Variants in PDE4D observed in about 807,000 individuals in gnomAD.
PDE4D encodes phosphodiesterase 4D.
Under a neutral mutation model 87.4 loss-of-function variants are expected in PDE4D, and 24 were observed. The ratio of observed to expected loss-of-function variants is 0.27; its 90% CI spans 0.20 to 0.39. The LOEUF (loss-of-function observed/expected upper bound fraction) is 0.39, where lower values mean the gene tolerates loss of function less well. PDE4D is among the 10% of genes least tolerant of loss of function. The pLI, the probability that PDE4D is intolerant of heterozygous loss-of-function variation, is 1.00. For synonymous variants in PDE4D, 384 were observed against 383.2 expected (o/e 1.00, Z -0.02); for missense variants, 714 against 1,041.0 (o/e 0.69, Z 4.32).
At chr5:59,344,926 T>C (rs557793789) in intron 1 of PDE4D, among the ~76,000 whole-genome samples, 2 of 152,278 alleles carry the variant, frequency 1.3e-5, no homozygotes, top group East Asian at 3.9e-4. Context: ...CATCTAATAA[T>C]TAATGATCAC....
chr5:60,134,432 G>T (rs1464275606), intron 2 of PDE4D, among the ~76,000 whole-genome samples: 1 of 152,168 alleles, frequency 6.6e-6, no homozygotes, highest in Admixed American at 6.5e-5. Flanking sequence ...TTGAGACTGC[G>T]AGTTTAAGGC....
intron 1 of PDE4D, among the ~76,000 whole-genome samples, chr5:59,626,962 T>C (rs1050464011): frequency 3.3e-5 from 5 of 152,222 alleles, no homozygotes; most frequent in Non-Finnish European, 7.3e-5. Flanking sequence ...CCTCCAATTA[T>C]AATGCTTCTG....
chr5:60,353,756 G>A lies in PDE4D; in HGVS notation c.-90+134186C>T, dbSNP rs186534514. On this transcript the variant is annotated intron_variant, in intron 1 of 16. Coordinates refer to the PDE4D transcript ENST00000502484. ...TCACAGAATAGTTTACTTTTAATGT[G>A]TCATATTAATATATTAATAAGTATG... Among the ~76,000 whole-genome samples the A allele has an allele frequency of 4.3e-3, 659 of 152,248 alleles. 4 individuals are homozygous for A. Among genetic ancestry groups the A allele is most frequent in the African/African-American group, 0.015 (644 of 41,558 alleles).
At chr5:59,574,057 TAAAA>T (rs1245624819) in intron 1 of PDE4D, among the ~76,000 whole-genome samples, 25 of 63,294 alleles carry the variant, frequency 3.9e-4, no homozygotes, top group East Asian at 1.4e-3. Context: ...TATTTATATA[TAAAA>T]ATATATATAT....
At chr5:59,359,664 A>C (rs1169208906) in intron 1 of PDE4D, among the ~76,000 whole-genome samples, 2 of 152,348 alleles carry the variant, frequency 1.3e-5, no homozygotes, top group African/African-American at 2.4e-5. Flanking sequence ...TTTATAATAC[A>C]ACAAGCTGTT....
chr5:59,687,863 G>C (rs6885868), intron 1 of PDE4D, among the ~76,000 whole-genome samples: 12,976 of 152,098 alleles, frequency 0.085, 1,725 homozygotes, highest in African/African-American at 0.29. Context: ...AAAATAAAGG[G>C]AGGAAGGAAG....
intron 1 of PDE4D, among the ~76,000 whole-genome samples, chr5:59,793,049 C>G (rs958779013): frequency 6.6e-6 from 1 of 152,142 alleles, no homozygotes. Flanking sequence ...GCAAGACAGT[C>G]AAATGGAATG....
chr5:60,053,995 A>T (rs1770499217), intron 2 of PDE4D, among the ~76,000 whole-genome samples: 1 of 152,260 alleles, frequency 6.6e-6, no homozygotes, highest in South Asian at 2.1e-4. Context: ...ATACCATCTC[A>T]TGCCAGTTAG....
chr5:59,369,145 C>T (rs1176881712), intron 1 of PDE4D, among the ~76,000 whole-genome samples: 1 of 152,152 alleles, frequency 6.6e-6, no homozygotes, highest in Non-Finnish European at 1.5e-5. Context: ...GTGGCCTTTG[C>T]TGAAAGTTCA....
At chr5:59,387,601 G>C (rs980899651) in intron 1 of PDE4D, among the ~76,000 whole-genome samples, 1 of 151,890 alleles carries the variant, frequency 6.6e-6, no homozygotes, top group Non-Finnish European at 1.5e-5. Flanking sequence ...TATAAACCTC[G>C]TACTGTCATG....
chr5:60,190,315 T>C (rs1785100840), intron 1 of PDE4D, among the ~76,000 whole-genome samples: 1 of 152,228 alleles, frequency 6.6e-6, no homozygotes, highest in Admixed American at 6.5e-5. Context: ...AGATAGATAA[T>C]GTGAACATCT....
rs565992485 is a variant in PDE4D, at chr5:59,302,383, AT to A, written c.456-86416del. 2.9e-3 allele frequency among the ~76,000 whole-genome samples: 439 copies of A among 151,658 alleles called. 1 individual carries two copies. Among genetic ancestry groups the A allele is most frequent in the Non-Finnish European group, 4.7e-3 (320 of 67,966 alleles). ...ACTTAAATCTATTACTTTTTATAAA[AT>A]TTTTTTCCATAAGTTATTAGGGTAC... is the stretch of plus-strand genomic sequence containing the variant. On this transcript the variant is annotated intron_variant, in intron 1 of 14. Coordinates refer to ENST00000340635, the MANE Select transcript of PDE4D (RefSeq NM_001104631.2).
intron 1 of PDE4D, among the ~76,000 whole-genome samples, chr5:59,609,790 G>A (rs113024480): frequency 2.0e-3 from 307 of 152,252 alleles, no homozygotes; most frequent in African/African-American, 6.8e-3. Context: ...TGAATAACCC[G>A]AACCTCAGCC....
At chr5:59,520,592 AGAACTAAGAGAAGTATAAGAG>A (rs1812023693) in intron 1 of PDE4D, among the ~76,000 whole-genome samples, 2 of 152,186 alleles carry the variant, frequency 1.3e-5, no homozygotes, top group African/African-American at 2.4e-5. Context: ...TGAAAGAAGT[AGAACTAAGAGAAGTATAAGAG>A]GAGAACGATT....
At chr5:60,285,106 A>AT (rs145357986) in intron 1 of PDE4D, among the ~76,000 whole-genome samples, 1 of 151,934 alleles carries the variant, frequency 6.6e-6, no homozygotes, top group South Asian at 2.1e-4. Flanking sequence ...TTCTACAGTA[A>AT]TTTTTTTAGC....
chr5:59,446,329 T>A (rs911353555), intron 1 of PDE4D, among the ~76,000 whole-genome samples: 6 of 152,298 alleles, frequency 3.9e-5, no homozygotes, highest in South Asian at 4.1e-4. Context: ...TTCAAACCAA[T>A]GTTTCCTAAA....
intron 6 of PDE4D, chr5:59,002,167 GA>G: frequency 2.6e-6 from 1 of 380,476 alleles, no homozygotes; most frequent in East Asian, 7.3e-5. Context: ...ACATAAAGTT[GA>G]GACCTAGAGA....
At chr5:59,145,043 T>TC (rs954053403) in intron 5 of PDE4D, among the ~76,000 whole-genome samples, 18 of 152,180 alleles carry the variant, frequency 1.2e-4, no homozygotes, top group Admixed American at 1.0e-3. Context: ...AGATTTTTTT[T>TC]CTCAAAGAAA....
intron 1 of PDE4D, among the ~76,000 whole-genome samples, chr5:59,307,975 T>C (rs1771751854): frequency 2.0e-5 from 3 of 151,192 alleles, no homozygotes; most frequent in Admixed American, 1.3e-4. Context: ...TGTCCAACAA[T>C]GATAGACTGG....
Sources: gnomAD v4.1 joint callset for allele counts (sites outside exome capture counted in the v4.1 genomes callset) on GRCh38, gnomAD v4.1.1 for gene constraint, MANE v1.5 for transcripts, NCBI Gene and HGNC (gene_info 2026-07-23, HGNC 2026-07-21) for gene names.